ATP2B2: variants seen among roughly 807,000 people sequenced by gnomAD.
ATP2B2 encodes plasma membrane calcium-transporting ATPase 2.
ATP2B2 carries 15 observed loss-of-function variants against 120.0 expected under a neutral mutation model. The ratio of observed to expected loss-of-function variants is 0.12; its 90% CI spans 0.08 to 0.19. ATP2B2 has a LOEUF of 0.19. Among genes scored for constraint, ATP2B2 ranks in the 10% least tolerant of loss-of-function variants. The pLI is 1.00. For missense variants in ATP2B2, 1,045 were observed against 1,719.8 expected (o/e 0.61, Z 6.94); for synonymous variants, 694 against 700.3 (o/e 0.99, Z 0.14).
intron 2 of ATP2B2, among the ~76,000 whole-genome samples, chr3:10,424,897 G>A (rs1244924776): frequency 6.6e-6 from 1 of 152,168 alleles, no homozygotes; most frequent in Non-Finnish European, 1.5e-5. Flanking sequence ...CAAGAGGTCT[G>A]TAAGGATCAG....
chr3:10,376,659 G>A (rs2061389771), intron 10 of ATP2B2, among the ~76,000 whole-genome samples: 1 of 152,214 alleles, frequency 6.6e-6, no homozygotes, highest in African/African-American at 2.4e-5. Flanking sequence ...GCCTGCTCAG[G>A]TGACTGGGTC....
At chr3:10,464,946 C>A (rs546237914) in intron 1 of ATP2B2, among the ~76,000 whole-genome samples, 1 of 152,372 alleles carries the variant, frequency 6.6e-6, no homozygotes, top group South Asian at 2.1e-4. Flanking sequence ...CCTAAGCCTG[C>A]CACCCACCTC....
chr3:10,340,200 G>T lies in ATP2B2; in HGVS notation c.3237+42C>A, dbSNP rs779233162. The T allele has an allele frequency of 1.9e-6, 3 of 1,583,600 alleles. No individual in the cohort carries two copies. The highest frequency in any genetic ancestry group is 2.6e-6 in the Non-Finnish European group (3 of 1,154,794). ...TTCTCCATCCAGTGCTGTCTCCCTT[G>T]CCCTGCTAACAGGCACCTCCTGCGA... On this transcript the variant is annotated intron_variant, in intron 21 of 22. Transcript: ENST00000360273. The surrounding 1 kb of genome is among the most constrained non-coding windows in gnomAD (Gnocchi z 5.0).
At chr3:10,638,476 T>G (rs542188967) in intron 1 of ATP2B2, among the ~76,000 whole-genome samples, 1 of 152,100 alleles carries the variant, frequency 6.6e-6, no homozygotes, top group Admixed American at 6.5e-5. Flanking sequence ...AATACAGAAT[T>G]AGAGATAATA....
intron 5 of ATP2B2, chr3:10,394,640 C>T (rs959931628): frequency 4.7e-6 from 2 of 426,916 alleles, no homozygotes. Context: ...GGTGGCAGGT[C>T]CGGCTCTCCC....
rs77749436 is a variant in ATP2B2, at chr3:10,591,803, C to T, written c.-415+28114G>A. On this transcript the variant is annotated intron_variant, in intron 2 of 21. Coordinates refer to the ATP2B2 transcript ENST00000646379. ...GAGCTTAGGCTTGCACTGCTGAAGGCCATTTAAGTAGTGCCATAGAAATCC... is the reference window on the plus strand; with the variant it reads ...GAGCTTAGGCTTGCACTGCTGAAGGTCATTTAAGTAGTGCCATAGAAATCC... Among the ~76,000 whole-genome samples, 925 of 152,310 alleles carry T rather than the reference C, an allele frequency of 6.1e-3. 3 individuals are homozygous for T. The highest frequency in any genetic ancestry group is 0.011 in the Non-Finnish European group (725 of 68,028).
chr3:10,613,941 C>T (rs1203693832), intron 2 of ATP2B2, among the ~76,000 whole-genome samples: 1 of 152,062 alleles, frequency 6.6e-6, no homozygotes, highest in Non-Finnish European at 1.5e-5. Context: ...CCAAACATCC[C>T]AAGCTTCAGC....
intron 5 of ATP2B2, among the ~76,000 whole-genome samples, chr3:10,398,931 C>T (rs188347170): frequency 3.3e-4 from 51 of 152,300 alleles, no homozygotes; most frequent in Admixed American, 1.0e-3. Flanking sequence ...TGACTCACTC[C>T]AGGCTGGCTG....
chr3:10,450,935 A>T (rs1372835338), intron 1 of ATP2B2, among the ~76,000 whole-genome samples: 1 of 152,116 alleles, frequency 6.6e-6, no homozygotes, highest in Non-Finnish European at 1.5e-5. Flanking sequence ...CCTGCCCCGC[A>T]GTCATGGACA....
chr3:10,497,074 C>A (rs1157767959), intron 1 of ATP2B2, among the ~76,000 whole-genome samples: 1 of 152,222 alleles, frequency 6.6e-6, no homozygotes, highest in Admixed American at 6.5e-5. Flanking sequence ...CAGCTGTGGG[C>A]AGGGTGGGCA....
At chr3:10,704,192 T>A (rs1298448086) in intron 1 of ATP2B2, among the ~76,000 whole-genome samples, 1 of 152,200 alleles carries the variant, frequency 6.6e-6, no homozygotes, top group South Asian at 2.1e-4. Context: ...GGCCTCGCCA[T>A]AACTGAATAA....
Position 10,620,703 on chromosome 3 carries a change from G to A in ATP2B2, c.-459-742C>T, listed in dbSNP as rs571962369. On this transcript the variant is annotated intron_variant, in intron 1 of 21. Coordinates refer to the ATP2B2 transcript ENST00000646379. ...CAGCCCAAGGTACCCTGACCCTGAG[G>A]GAGGGAGCTGGGAGGCTACACATAC... Among the ~76,000 whole-genome samples, 4 of 152,240 alleles carry A rather than the reference G, an allele frequency of 2.6e-5. No individual in the cohort carries two copies. In the South Asian group the frequency reaches 8.3e-4, roughly 32 times the overall value.
At chr3:10,487,784 T>A (rs374476205) in intron 1 of ATP2B2, among the ~76,000 whole-genome samples, 1 of 152,222 alleles carries the variant, frequency 6.6e-6, no homozygotes, top group African/African-American at 2.4e-5. Flanking sequence ...AAAGCCACTA[T>A]CTGAAAGTGC....
intron 2 of ATP2B2, among the ~76,000 whole-genome samples, chr3:10,597,442 C>T (rs1279212668): frequency 1.3e-5 from 2 of 152,140 alleles, no homozygotes; most frequent in South Asian, 2.1e-4. Flanking sequence ...GCCCCTTCTA[C>T]AGGGAGTTGC....
intron 1 of ATP2B2, among the ~76,000 whole-genome samples, chr3:10,461,163 G>A (rs1474960036): frequency 6.6e-6 from 1 of 152,250 alleles, no homozygotes; most frequent in Non-Finnish European, 1.5e-5. Context: ...TACCAGCAGG[G>A]ATTTGCGTAT....
intron 1 of ATP2B2, among the ~76,000 whole-genome samples, chr3:10,453,515 T>C (rs1275154744): frequency 1.3e-5 from 2 of 152,190 alleles, no homozygotes; most frequent in East Asian, 3.8e-4. Context: ...CAGAGACACA[T>C]TCCTAATCAG....
intron 1 of ATP2B2, among the ~76,000 whole-genome samples, chr3:10,464,213 C>G (rs546071938): frequency 6.6e-6 from 1 of 152,160 alleles, no homozygotes. Context: ...AAAATAATGC[C>G]GCACCACACT....
intron 2 of ATP2B2, among the ~76,000 whole-genome samples, chr3:10,434,539 A>G (rs2063417243): frequency 1.3e-5 from 2 of 152,224 alleles, no homozygotes; most frequent in Non-Finnish European, 2.9e-5. Flanking sequence ...ATTCTCATTT[A>G]ATTTTCCTAA....
chr3:10,421,568 T>G (rs1412627517), intron 2 of ATP2B2, among the ~76,000 whole-genome samples: 1 of 152,164 alleles, frequency 6.6e-6, no homozygotes, highest in Non-Finnish European at 1.5e-5. Flanking sequence ...GAAGAGGAGA[T>G]GAGGCAGTGT....
Sources: gnomAD v4.1 joint callset for allele counts (sites outside exome capture counted in the v4.1 genomes callset) on GRCh38, gnomAD v4.1.1 for gene constraint, Gnocchi (gnomAD v3.1) non-coding constraint, MANE v1.5 for transcripts, NCBI Gene and HGNC (gene_info 2026-07-23, HGNC 2026-07-21) for gene names.